CSMD1: variants seen among roughly 807,000 people sequenced by gnomAD.
CSMD1 encodes the protein CUB and Sushi multiple domains 1.
Under a neutral mutation model 417.5 loss-of-function variants are expected in CSMD1, and 213 were observed. The observed-to-expected ratio is 0.51, with a 90% CI of 0.46 to 0.57. CSMD1 has a LOEUF of 0.57. CSMD1 is among the 20% of genes least tolerant of loss of function. The pLI is 0.00. For missense variants in CSMD1, 6,923 were observed against 4,529.7 expected, an observed-to-expected ratio of 1.53 and a Z score of -15.17; for synonymous variants, 2,862 against 1,736.8, an observed-to-expected ratio of 1.65 and a Z score of -16.11.
At chr8:3,730,761 A>G (rs1802799212) in intron 6 of CSMD1, among the ~76,000 whole-genome samples, 1 of 152,310 alleles carries the variant, frequency 6.6e-6, no homozygotes, top group East Asian at 1.9e-4. Flanking sequence ...GACCAGAGTT[A>G]TGTGTCACTC....
chr8:3,847,750 A>C (rs944939638), intron 5 of CSMD1, among the ~76,000 whole-genome samples: 2 of 152,184 alleles, frequency 1.3e-5, no homozygotes, highest in Non-Finnish European at 2.9e-5. Flanking sequence ...CTGCAGTTCC[A>C]GCTCCATATG....
intron 2 of CSMD1, among the ~76,000 whole-genome samples, chr8:4,596,825 G>C (rs933100480): frequency 1.3e-5 from 2 of 152,158 alleles, no homozygotes; most frequent in Non-Finnish European, 1.5e-5. Flanking sequence ...TATTGTGGGA[G>C]GGACCCAGGG....
chr8:3,530,780 T>C (rs34375859), intron 10 of CSMD1, among the ~76,000 whole-genome samples: 17,982 of 151,076 alleles, frequency 0.12, 1,150 homozygotes, highest in Middle Eastern at 0.19. Context: ...TCTCCTGCCT[T>C]GGCCTCCCAA....
chr8:3,243,703 G>T (rs1799694808), intron 26 of CSMD1, among the ~76,000 whole-genome samples: 1 of 151,732 alleles, frequency 6.6e-6, no homozygotes, highest in East Asian at 1.9e-4. Flanking sequence ...TGGGCTCACA[G>T]GCCTGACAAT....
chr8:3,899,306 T>A (rs1415681018), intron 5 of CSMD1, among the ~76,000 whole-genome samples: 1 of 152,164 alleles, frequency 6.6e-6, no homozygotes, highest in Non-Finnish European at 1.5e-5. Context: ...CAAGTACGCT[T>A]TGCAAAAGAG....
At chr8:4,468,753 A>C (rs961853687) in intron 2 of CSMD1, among the ~76,000 whole-genome samples, 2 of 152,194 alleles carry the variant, frequency 1.3e-5, no homozygotes, top group African/African-American at 4.8e-5. Flanking sequence ...GCTTGCTTCT[A>C]TGTCTGAATC....
At chr8:3,814,418 C>G (rs893374894) in intron 5 of CSMD1, among the ~76,000 whole-genome samples, 5 of 152,178 alleles carry the variant, frequency 3.3e-5, no homozygotes, top group African/African-American at 9.6e-5. Context: ...AAAACAAACA[C>G]CTGTCATCTC....
At chr8:4,789,393 T>A (rs548428968) in intron 1 of CSMD1, among the ~76,000 whole-genome samples, 2 of 152,244 alleles carry the variant, frequency 1.3e-5, no homozygotes, top group African/African-American at 4.8e-5. Context: ...TCTGGGTGAT[T>A]TTTACCTACA....
chr8:3,789,843 T>C (rs996952297), intron 5 of CSMD1, among the ~76,000 whole-genome samples: 2 of 151,278 alleles, frequency 1.3e-5, no homozygotes, highest in African/African-American at 4.9e-5. Context: ...ACCATTCTCC[T>C]GCCTCAGCCT....
At chr8:4,322,235 A>C (rs992856719) in intron 3 of CSMD1, among the ~76,000 whole-genome samples, 2 of 152,202 alleles carry the variant, frequency 1.3e-5, no homozygotes, top group African/African-American at 4.8e-5. Flanking sequence ...ATGTAATTTT[A>C]TTTGAAAACA....
At chr8:4,283,962 G>A (rs1372684665) in intron 3 of CSMD1, among the ~76,000 whole-genome samples, 2 of 152,270 alleles carry the variant, frequency 1.3e-5, no homozygotes, top group African/African-American at 2.4e-5. Context: ...GCCAGGGGTG[G>A]TGGCTCACAC....
chr8:4,075,140 A>C (rs974035868), intron 3 of CSMD1, among the ~76,000 whole-genome samples: 7 of 152,200 alleles, frequency 4.6e-5, no homozygotes, highest in African/African-American at 1.7e-4. Context: ...TGATACGAAA[A>C]ACTAAGCAGG....
At chr8:4,106,856 T>A (rs1304580728) in intron 3 of CSMD1, among the ~76,000 whole-genome samples, 1 of 152,106 alleles carries the variant, frequency 6.6e-6, no homozygotes, top group East Asian at 1.9e-4. Context: ...AAAGAAAAAC[T>A]GCCCCGCATT....
At chr8:3,970,386 C>A (rs1218846577) in intron 5 of CSMD1, among the ~76,000 whole-genome samples, 1 of 152,154 alleles carries the variant, frequency 6.6e-6, no homozygotes, top group Non-Finnish European at 1.5e-5. Flanking sequence ...AACAGTAAAT[C>A]TGAAACGAGA....
chr8:3,393,774 G>C (rs904002781), intron 17 of CSMD1, among the ~76,000 whole-genome samples: 33 of 151,504 alleles, frequency 2.2e-4, no homozygotes, highest in African/African-American at 7.7e-4. Flanking sequence ...TCACTCATAG[G>C]TGGGAATTGA....
chr8:3,864,952 A>C (rs1012100830), intron 5 of CSMD1, among the ~76,000 whole-genome samples: 3 of 152,252 alleles, frequency 2.0e-5, no homozygotes, highest in African/African-American at 7.2e-5. Flanking sequence ...GTGAACGAGC[A>C]GCTTTTCCTT....
At chr8:3,462,982 C>T (rs147718214) in intron 12 of CSMD1, among the ~76,000 whole-genome samples, 203 of 152,320 alleles carry the variant, frequency 1.3e-3, no homozygotes, top group African/African-American at 4.5e-3. Context: ...TGTGGCCTTG[C>T]GCTGTCCACC....
At chr8:3,503,841 CCAA>C (rs1254369056) in intron 10 of CSMD1, among the ~76,000 whole-genome samples, 12 of 150,134 alleles carry the variant, frequency 8.0e-5, no homozygotes, top group African/African-American at 2.0e-4. Context: ...TTGCCCCCCC[CCAA>C]CCCCCACACT....
At chr8:3,128,035 G>C (rs1021506050) in intron 41 of CSMD1, 1 of 152,018 alleles carries the variant, frequency 6.6e-6, no homozygotes, top group Non-Finnish European at 1.5e-5. Context: ...AAAAGAAAAG[G>C]AAGTCACTAA....
Sources: allele counts gnomAD v4.1 joint callset (sites outside exome capture counted in the v4.1 genomes callset), GRCh38; gene constraint gnomAD v4.1.1; transcripts MANE v1.5; gene names NCBI Gene and HGNC (gene_info 2026-07-23, HGNC 2026-07-21).